The following PIK3CB variants were observed in gnomAD, a reference collection of about 807,000 sequenced individuals.
PIK3CB encodes the protein phosphatidylinositol 4,5-bisphosphate 3-kinase catalytic subunit beta isoform.
A neutral mutation model predicts 136.8 loss-of-function variants in PIK3CB; 39 were observed. The ratio of observed to expected loss-of-function variants is 0.29; its 90% CI spans 0.22 to 0.37. The LOEUF (loss-of-function observed/expected upper bound fraction) is 0.37, where lower values mean the gene tolerates loss of function less well. PIK3CB is among the 10% of genes least tolerant of loss of function. PIK3CB has a pLI of 1.00. For missense variants in PIK3CB, 868 were observed against 1,275.4 expected (o/e 0.68, Z 4.87); for synonymous variants, 428 against 436.6 (o/e 0.98, Z 0.25).
intron 23 of PIK3CB, 107 bp from the exon 24 acceptor site, chr3:138,655,633 G>A: frequency 1.3e-6 from 1 of 793,734 alleles, no homozygotes; most frequent in South Asian, 1.5e-5. Context: ...GCCACCATCA[G>A]GCAGCATGCT....
chr3:138,730,655 G>A (rs1256463339), intron 8 of PIK3CB, among the ~76,000 whole-genome samples: 1 of 152,156 alleles, frequency 6.6e-6, no homozygotes, highest in Non-Finnish European at 1.5e-5. Context: ...TGGCATGGTG[G>A]CTTGTGCCTG....
intron 19 of PIK3CB, among the ~76,000 whole-genome samples, chr3:138,681,287 C>T (rs969825822): frequency 6.6e-6 from 1 of 152,058 alleles, no homozygotes; most frequent in Non-Finnish European, 1.5e-5. Context: ...CTCAAGTGAT[C>T]TGCCCGCTTT....
intron 19 of PIK3CB, among the ~76,000 whole-genome samples, chr3:138,670,538 A>C (rs1320916197): frequency 6.6e-6 from 1 of 152,122 alleles, no homozygotes; most frequent in Non-Finnish European, 1.5e-5. Context: ...TAAACACTCA[A>C]CTCTGCAGTT....
chr3:138,655,428 G>A lies in PIK3CB; in HGVS notation c.3174C>T (p.Asn1058=), dbSNP rs772391063. ...CTTTCCGAACTGTGTGGGCCATCCA[G>A]TTCACTTTAGTAGTCCAGCTTTCCC... ...ALRESWTTKV[N]WMAHTVRKDY... Residue 1058 remains asparagine (N), a synonymous_variant, in exon 24 of 24, where the codon AAC becomes AAT. Transcript: ENST00000674063. 21 of 1,613,954 alleles carry A rather than the reference G, an allele frequency of 1.3e-5. No individual in the cohort carries two copies. Among genetic ancestry groups the A allele is most frequent in the Non-Finnish European group, 1.3e-5 (15 of 1,179,916 alleles).
At chr3:138,710,212 G>A (rs183288361) in intron 10 of PIK3CB, among the ~76,000 whole-genome samples, 3 of 151,882 alleles carry the variant, frequency 2.0e-5, no homozygotes, top group East Asian at 1.9e-4. Context: ...AAAGAAATAC[G>A]TCAAATATAC....
intron 1 of PIK3CB, among the ~76,000 whole-genome samples, chr3:138,822,955 AATAT>A (rs147925367): frequency 6.9e-6 from 1 of 143,968 alleles, no homozygotes. Context: ...ATATACATGA[AATAT>A]ATATATATAT....
At chr3:138,834,423 C>A (rs562226410) in intron 1 of PIK3CB, among the ~76,000 whole-genome samples, 1 of 152,338 alleles carries the variant, frequency 6.6e-6, no homozygotes, top group African/African-American at 2.4e-5. Flanking sequence ...ACCCGGGACG[C>A]CCGGCAGCGT....
rs2043188823 is a variant in PIK3CB at position 138,656,216 on chromosome 3, T to G, written c.3001A>C (p.Ile1001Leu). The change falls in exon 23 of 24, where the codon ATC becomes CTC. Residue 1001 changes from isoleucine to leucine, a missense_variant. Ile to Leu is a conservative substitution (Grantham distance 5, BLOSUM62 2). Coordinates refer to ENST00000674063, the MANE Select transcript of PIK3CB (RefSeq NM_006219.3). The part of the protein sequence containing the change: ...LILRRHGNLF[I>L]TLFALMLTAG... ...GTCAACATCAGCGCAAAGAGAGTGA[T>G]GAAGAGATTCCCATGCCGTCGTAAA... is the stretch of plus-strand genomic sequence containing the variant. The G allele has an allele frequency of 1.2e-6, 2 of 1,614,152 alleles. No homozygotes were observed. Among genetic ancestry groups the G allele is most frequent in the East Asian group, 4.5e-5 (2 of 44,876 alleles).
chr3:138,684,933 G>A (rs377724048), intron 16 of PIK3CB, 130 bp from the exon 17 acceptor site: 58 of 543,894 alleles, frequency 1.1e-4, no homozygotes, highest in East Asian at 5.1e-4. Context: ...ACCAGCTGAA[G>A]TAAAAATAGT....
intron 2 of PIK3CB, chr3:138,769,931 A>T (rs905752299): frequency 6.6e-6 from 1 of 152,228 alleles, no homozygotes; most frequent in Non-Finnish European, 1.5e-5. Flanking sequence ...ATTATCCAGG[A>T]ATACACACAG....
chr3:138,720,248 A>C (rs2044699177), intron 8 of PIK3CB, among the ~76,000 whole-genome samples: 1 of 152,016 alleles, frequency 6.6e-6, no homozygotes, highest in Non-Finnish European at 1.5e-5. Flanking sequence ...ACTTCACCAC[A>C]CCCTAGCACC....
At chr3:138,655,551 AT>A in intron 23 of PIK3CB, 25 bp from the exon 24 acceptor site, 2 of 1,583,896 alleles carry the variant, frequency 1.3e-6, no homozygotes, top group Non-Finnish European at 1.7e-6. Flanking sequence ...GGAAAATATG[AT>A]TTTATATAAC....
chr3:138,800,630 T>C (rs893759895), intron 1 of PIK3CB, among the ~76,000 whole-genome samples: 1 of 151,948 alleles, frequency 6.6e-6, no homozygotes, highest in Non-Finnish European at 1.5e-5. Flanking sequence ...ACTCTATTAT[T>C]ATTATTATTT....
At chr3:138,819,264 T>C (rs1482969092) in intron 1 of PIK3CB, among the ~76,000 whole-genome samples, 1 of 152,068 alleles carries the variant, frequency 6.6e-6, no homozygotes, top group African/African-American at 2.4e-5. Context: ...AAAGAATCAC[T>C]TGAACCCTGG....
At position 138,704,452 on chromosome 3, in the gene PIK3CB, A is replaced by G. The variant is rs2044321358; in HGVS notation, c.1572T>C (p.Ala524=). 1.2e-6 allele frequency: 2 copies of G among 1,604,300 alleles called. No homozygotes were observed. Among genetic ancestry groups the G allele is most frequent in the African/African-American group, 1.3e-5 (1 of 74,784 alleles). ...KAAEIASSDS[A]NVSSRGGKKF... The stretch of plus-strand genomic sequence containing the variant: ...AACTCTTGATACTTACTGACACATT[A>G]GCACTATCACTGCTTGCAATCTCAG... Residue 524 remains alanine (A), a synonymous_variant, in exon 12 of 24, where the codon GCT becomes GCC. Transcript: ENST00000674063.
intron 1 of PIK3CB, among the ~76,000 whole-genome samples, chr3:138,834,135 C>A (rs926203587): frequency 6.6e-6 from 1 of 152,222 alleles, no homozygotes; most frequent in African/African-American, 2.4e-5. Flanking sequence ...TCAGTTATGC[C>A]TAACCTCACA....
chr3:138,813,704 A>G (rs542457214), intron 1 of PIK3CB, among the ~76,000 whole-genome samples: 5 of 151,802 alleles, frequency 3.3e-5, no homozygotes, highest in African/African-American at 1.2e-4. Flanking sequence ...GGCGTGAGCC[A>G]CCGCGCCCAG....
Position 138,663,970 on chromosome 3 carries a change from G to A in PIK3CB, c.2732C>T (p.Ala911Val). Residue 911 changes from alanine (A) to valine (V), a missense_variant, in exon 21 of 24, where the codon GCT becomes GTT. Around this residue, in one of 4 missense-constraint regions of PIK3CB, gnomAD observed 165 missense variants for 295.4 expected, o/e 0.56. Coordinates refer to ENST00000674063, the MANE Select transcript of PIK3CB (RefSeq NM_006219.3). ...FTLSCAGYCVASYVLGIGDRH... is the reference protein window; with the variant it reads ...FTLSCAGYCVVSYVLGIGDRH... ...GTCACCAATCCCAAGGACATAAGAAGCTACACAGTAGCCAGCACAGGACAG... is the reference window on the plus strand; with the variant it reads ...GTCACCAATCCCAAGGACATAAGAAACTACACAGTAGCCAGCACAGGACAG... 1.9e-6 allele frequency: 3 copies of A among 1,614,034 alleles called. No individual in the cohort carries two copies. Among genetic ancestry groups the A allele is most frequent in the Non-Finnish European group, 2.5e-6 (3 of 1,179,936 alleles).
intron 1 of PIK3CB, among the ~76,000 whole-genome samples, chr3:138,830,237 G>A (rs774821784): frequency 8.9e-4 from 135 of 152,110 alleles, no homozygotes; most frequent in Admixed American, 3.0e-3. Context: ...TGCCCACCAC[G>A]GTAAGCCAAA....
Sources: gnomAD v4.1 joint callset for allele counts (sites outside exome capture counted in the v4.1 genomes callset) on GRCh38, gnomAD v4.1.1 for gene constraint, gnomAD v4.1.1 regional missense constraint, MANE v1.5 for transcripts, NCBI Gene and HGNC (gene_info 2026-07-23, HGNC 2026-07-21) for gene names.